MROH1: variants seen among roughly 807,000 people sequenced by gnomAD.
MROH1 encodes the protein maestro heat-like repeat-containing protein family member 1.
MROH1 carries 117 observed loss-of-function variants against 116.5 expected under a neutral mutation model. That is an observed-to-expected ratio of 1.00 (90% CI 0.86 to 1.17). The LOEUF is 1.17. MROH1 is among the 50% of genes most tolerant of loss of function. MROH1 has a pLI of 0.00. For synonymous variants in MROH1, 921 were observed against 583.9 expected (o/e 1.58, Z -8.32); for missense variants, 1,873 against 1,338.5 (o/e 1.40, Z -6.23).
In MROH1 at chr8:144,255,581, C is replaced by T; in HGVS notation, c.3667C>T (p.Leu1223=). The change falls in exon 35 of 44, where the codon CTG becomes TTG. Residue 1223 remains leucine, a synonymous_variant. Transcript: ENST00000326134. ...GPAVLELYPQ[L]FVVLLLRVSC... is the part of the protein sequence containing the mutation. ...CGCGGTGCTCGAGCTCTACCCCCAG[C>T]TGTTTGTGGTGCTTCTGCTGCGCGT... 1 of 779,384 alleles carries T rather than the reference C, an allele frequency of 1.3e-6. No homozygotes were observed. Among genetic ancestry groups the T allele is most frequent in the Admixed American group, 1.7e-5 (1 of 59,024 alleles). 48.3% of individuals were successfully genotyped at this position (779,384 alleles called of 1,614,324 possible). A position where few individuals can be genotyped will look rare whatever the true frequency, so the allele number is the denominator to read the frequency against.
chr8:144,239,459 G>A (rs1038277053), intron 17 of MROH1, 96 bp downstream of exon 17: 67 of 774,770 alleles, frequency 8.6e-5, no homozygotes, highest in Middle Eastern at 2.5e-4. Flanking sequence ...GTGGGCAGCC[G>A]CGGTCAGGGC....
intron 12 of MROH1, chr8:144,213,365 G>T (rs2132170832): frequency 2.6e-6 from 1 of 387,842 alleles, no homozygotes; most frequent in East Asian, 3.9e-5. Flanking sequence ...CTGGTTACAG[G>T]ATTCTTGGCT....
chr8:144,163,733 G>A lies in MROH1; in HGVS notation c.-56-38G>A, dbSNP rs942975792. 32 of 1,307,760 alleles carry A rather than the reference G, an allele frequency of 2.4e-5. No individual in the cohort carries two copies. Among genetic ancestry groups the A allele is most frequent in the Middle Eastern group, 1.8e-4 (1 of 5,458 alleles). The allele number at this position is 1,307,760 out of a possible 1,614,324, so 81.0% of individuals were successfully genotyped here. ...TGCCTGTGAACTCAGATATCGTAGA[G>A]GCTTATGAATTAAATCTTGTGATTT... On this transcript the variant is annotated intron_variant, in intron 2 of 43. Transcript: ENST00000326134. This position sits in a 1 kb window ranked among gnomAD's most constrained non-coding sequence, Gnocchi z 4.4.
rs146834927 is a variant in MROH1 at position 144,211,801 on chromosome 8, G to A, written c.1142-8799G>A. On this transcript the variant is annotated intron_variant, in intron 12 of 43. Transcript: ENST00000326134. ...GTGTTTTTATTTATCAGTTTTCAAGGTAGTGGATTGGTTTCCTATCACCCT... is the reference window on the plus strand; with the variant it reads ...GTGTTTTTATTTATCAGTTTTCAAGATAGTGGATTGGTTTCCTATCACCCT... Among the ~76,000 whole-genome samples, 217 of 152,192 alleles carry A rather than the reference G, an allele frequency of 1.4e-3. 3 individuals are homozygous for A. The South Asian group carries it at 0.015, about 10-fold the overall frequency.
In MROH1 at chr8:144,163,304, G is replaced by A. The variant is rs1333614686; in HGVS notation, c.-56-467G>A. ...AGAAAGCGTGACACAAGACTTGAAT[G>A]TGTGTCCGTGGTGAAGAGGCAGAGG... On this transcript the variant is annotated intron_variant, in intron 2 of 43. Coordinates refer to ENST00000326134, the MANE Select transcript of MROH1 (RefSeq NM_032450.3). This position sits in a 1 kb window ranked among gnomAD's most constrained non-coding sequence, Gnocchi z 4.4. Among the ~76,000 whole-genome samples, 2 of 152,230 alleles carry A rather than the reference G, an allele frequency of 1.3e-5. No homozygotes were observed. The highest frequency in any genetic ancestry group is 2.9e-5 in the Non-Finnish European group (2 of 68,044).
At position 144,242,992 on chromosome 8, in the gene MROH1, C is replaced by T. The variant is rs1036506375; in HGVS notation, c.2352+364C>T. Among the ~76,000 whole-genome samples the T allele has an allele frequency of 3.3e-5, 5 of 152,332 alleles. 1 individual carries two copies. The highest frequency in any genetic ancestry group is 3.3e-4 in the Admixed American group (5 of 15,314). ...CCCCAGTGAGCACCTAGGAGAGGGGCCAAGGCCCAAAGCCAGTGGAAGTGG... is the reference window on the plus strand; with the variant it reads ...CCCCAGTGAGCACCTAGGAGAGGGGTCAAGGCCCAAAGCCAGTGGAAGTGG... On this transcript the variant is annotated intron_variant, in intron 24 of 43. Transcript: ENST00000326134.
At chr8:144,250,873 C>T (rs1434554077) in intron 33 of MROH1, 7 of 249,090 alleles carry the variant, frequency 2.8e-5, no homozygotes, top group East Asian at 2.1e-4. Flanking sequence ...GCTCACACCT[C>T]CCAGCTCCCA....
At chr8:144,174,810 C>G (rs1823415338) in intron 4 of MROH1, 3 of 984,980 alleles carry the variant, frequency 3.0e-6, no homozygotes, top group African/African-American at 3.5e-5. Context: ...AATGTAGATT[C>G]CTATGCCTTT....
chr8:144,236,027 T>G (rs1352373747), intron 14 of MROH1, among the ~76,000 whole-genome samples: 1 of 152,232 alleles, frequency 6.6e-6, no homozygotes, highest in Non-Finnish European at 1.5e-5. Context: ...ATGCACTTCC[T>G]CGGTCATCCC....
At chr8:144,169,049 C>T (rs565491143) in intron 4 of MROH1, among the ~76,000 whole-genome samples, 6 of 152,224 alleles carry the variant, frequency 3.9e-5, no homozygotes, top group Non-Finnish European at 8.8e-5. Context: ...GGCTGGCTCT[C>T]ACCTCCCAGG....
intron 1 of MROH1, among the ~76,000 whole-genome samples, chr8:144,149,621 T>C (rs1816247078): frequency 6.6e-6 from 1 of 151,834 alleles, no homozygotes; most frequent in African/African-American, 2.4e-5. Flanking sequence ...CAGAGCTGGG[T>C]TATTTGGGGT....
chr8:144,177,552 C>T (rs893298438), intron 4 of MROH1, among the ~76,000 whole-genome samples: 4 of 152,190 alleles, frequency 2.6e-5, no homozygotes, highest in Non-Finnish European at 4.4e-5. Context: ...CCTGCCGTGG[C>T]GGCCATAGCT....
At chr8:144,175,253 G>A (rs1823539594) in intron 4 of MROH1, 1 of 770,066 alleles carries the variant, frequency 1.3e-6, no homozygotes, top group South Asian at 5.9e-5. Flanking sequence ...GGTCCGGTCG[G>A]ATGGGTATAA....
chr8:144,244,200 G>C (rs1389221787), intron 26 of MROH1, 22 bp from the exon 27 acceptor site: 1 of 716,376 alleles, frequency 1.4e-6, no homozygotes, highest in East Asian at 2.7e-5. Context: ...TCATTGTCTG[G>C]GGCCCTTAAC....
Position 144,234,507 on chromosome 8 carries a change from T to TGTG in MROH1, c.1339-4249_1339-4248insGTG, listed in dbSNP as rs1564534002. Among the ~76,000 whole-genome samples, 28 of 57,994 alleles carry TGTG rather than the reference T, an allele frequency of 4.8e-4. 1 individual carries two copies. Among genetic ancestry groups the TGTG allele is most frequent in the African/African-American group, 2.6e-3 (26 of 9,922 alleles). The allele number at this position is 57,994 out of a possible 152,430, so 38.0% of individuals were successfully genotyped here. A position where few individuals can be genotyped will look rare whatever the true frequency, so the allele number is the denominator to read the frequency against. On this transcript the variant is annotated intron_variant, in intron 14 of 43. Transcript: ENST00000326134. The stretch of plus-strand genomic sequence containing the variant: ...ATTTTCTTTCTTTTTCGTTTTTTTT[T>TGTG]TTTTTTTTTTTTTTTTTTTTTTTTT...
intron 28 of MROH1, 127 bp from the exon 29 acceptor site, chr8:144,245,029 C>T (rs916564718): frequency 0.015 from 11,043 of 728,588 alleles, 127 homozygotes; most frequent in Non-Finnish European, 0.022. Context: ...TCTGGGTCCC[C>T]GGCTTGGCCC....
chr8:144,160,189 A>G (rs1411182085), intron 1 of MROH1, among the ~76,000 whole-genome samples: 1 of 152,172 alleles, frequency 6.6e-6, no homozygotes, highest in East Asian at 1.9e-4. Context: ...TTACTAGGGA[A>G]CAGTTTGATC....
At chr8:144,229,196 G>A (rs1447049504) in intron 14 of MROH1, among the ~76,000 whole-genome samples, 1 of 152,088 alleles carries the variant, frequency 6.6e-6, no homozygotes, top group Non-Finnish European at 1.5e-5. Flanking sequence ...TATCCATGAG[G>A]TTTGGAATCA....
intron 14 of MROH1, among the ~76,000 whole-genome samples, chr8:144,230,094 G>C (rs753475921): frequency 6.6e-6 from 1 of 152,120 alleles, no homozygotes; most frequent in Non-Finnish European, 1.5e-5. Context: ...ACTTGTTGCG[G>C]TTTCTCCATC....
Sources: allele counts gnomAD v4.1 joint callset (sites outside exome capture counted in the v4.1 genomes callset), GRCh38; gene constraint gnomAD v4.1.1; non-coding constraint Gnocchi (gnomAD v3.1); transcripts MANE v1.5; gene names NCBI Gene and HGNC (gene_info 2026-07-23, HGNC 2026-07-21).